FGFR3: variants seen among roughly 807,000 people sequenced by gnomAD.
The protein encoded by FGFR3 is FGFR-3.
A neutral mutation model predicts 82.9 loss-of-function variants in FGFR3; 25 were observed. The observed-to-expected ratio is 0.30, with a 90% CI of 0.22 to 0.42. The LOEUF (loss-of-function observed/expected upper bound fraction) is 0.42. FGFR3 is among the 10% of genes least tolerant of loss of function. The probability of loss-of-function intolerance (pLI) is 1.00; values close to 1 mark genes in which losing one functional copy is unlikely to be tolerated. For synonymous variants in FGFR3, 620 were observed against 516.0 expected, an observed-to-expected ratio of 1.20 and a Z score of -2.73; for missense variants, 1,026 against 1,161.0, an observed-to-expected ratio of 0.88 and a Z score of 1.69.
At chr4:1,802,053 G>A (rs756274707) in intron 7 of FGFR3, 28 bp downstream of exon 7, 20 of 1,597,920 alleles carry the variant, frequency 1.3e-5, no homozygotes, top group African/African-American at 4.0e-5. Context: ...CGTGGGTGCC[G>A]CCGCTGGGGC....
chr4:1,793,586 T>G (rs1419483537), intron 1 of FGFR3, 121 bp downstream of exon 1: 3 of 147,828 alleles, frequency 2.0e-5, no homozygotes. Context: ...GGCGCGGGCT[T>G]CCCGCTCCGG....
intron 7 of FGFR3, chr4:1,802,927 A>G: frequency 1.3e-6 from 2 of 1,599,214 alleles, no homozygotes; most frequent in Non-Finnish European, 1.7e-6. Context: ...TGGATCAGTG[A>G]GAGTGTGGAG....
chr4:1,797,083 A>G (rs1323117206), intron 2 of FGFR3, among the ~76,000 whole-genome samples: 1 of 152,150 alleles, frequency 6.6e-6, no homozygotes, highest in Non-Finnish European at 1.5e-5. Flanking sequence ...CGCCTTGGGT[A>G]CAGCAGGAGT....
intron 2 of FGFR3, 32 bp downstream of exon 2, chr4:1,794,075 C>A: frequency 7.9e-7 from 1 of 1,268,268 alleles, no homozygotes; most frequent in Non-Finnish European, 1.0e-6. Context: ...ACGGGAGAGG[C>A]CGGCCCGTGC....
At chr4:1,798,383 C>T (rs1173928569) in intron 2 of FGFR3, among the ~76,000 whole-genome samples, 1 of 152,022 alleles carries the variant, frequency 6.6e-6, no homozygotes, top group African/African-American at 2.4e-5. Flanking sequence ...CCCGCCTGGG[C>T]CTCCCCACTC....
At chr4:1,795,310 G>C (rs984565809) in intron 2 of FGFR3, among the ~76,000 whole-genome samples, 1 of 152,092 alleles carries the variant, frequency 6.6e-6, no homozygotes, top group Non-Finnish European at 1.5e-5. Context: ...TACTCCCTAC[G>C]GCCCGGGAAT....
chr4:1,806,352 T>C (rs1721916324), intron 15 of FGFR3, 25 bp downstream of exon 15: 2 of 1,612,680 alleles, frequency 1.2e-6, no homozygotes, highest in African/African-American at 1.3e-5. Flanking sequence ...GAGCTCAGGC[T>C]TCAGGGGTGG....
chr4:1,804,021 G>A lies in FGFR3; in HGVS notation c.1075+185G>A, dbSNP rs3135887. Among the ~76,000 whole-genome samples, 2,500 of 152,318 alleles carry A rather than the reference G, an allele frequency of 0.016. 34 individuals are homozygous for A. The highest frequency in any genetic ancestry group is 0.038 in the African/African-American group (1,575 of 41,572). ...GCCTGGCCCGGTCCTGGTCCCAGAG[G>A]GGCCCCCTCAGCCCCCTCGAGCCCA... On this transcript the variant is annotated intron_variant, in intron 8 of 17. Transcript: ENST00000440486.
rs551367475 is a variant in FGFR3, at chr4:1,794,774, G to A, written c.109+731G>A. 5.9e-5 allele frequency among the ~76,000 whole-genome samples: 9 copies of A among 152,060 alleles called. No individual in the cohort carries two copies. The South Asian group carries it at 1.9e-3, about 31-fold the overall frequency. ...CACGCGCCGCGGTTCCTCGTGGGCC[G>A]GGCCGAGAGCTCCGGTGCCGCCGCC... On this transcript the variant is annotated intron_variant, in intron 2 of 17. Coordinates refer to ENST00000440486, the MANE Select transcript of FGFR3 (RefSeq NM_000142.5).
rs570813728 is a variant in FGFR3, at chr4:1,807,589, C to T, written c.*327C>T. On this transcript the variant is annotated 3_prime_UTR_variant, in exon 18 of 18. Coordinates refer to ENST00000440486, the MANE Select transcript of FGFR3 (RefSeq NM_000142.5). ...AAGTGGGCCCACCCGGTGGGACCCCCGTGGGGCAGGGAGCTGGGCCCGACA... is the reference window on the plus strand; with the variant it reads ...AAGTGGGCCCACCCGGTGGGACCCCTGTGGGGCAGGGAGCTGGGCCCGACA... 18 of 681,258 alleles carry T rather than the reference C, an allele frequency of 2.6e-5. No homozygotes were observed. Among genetic ancestry groups the T allele is most frequent in the South Asian group, 6.9e-5 (5 of 72,868 alleles). The allele number at this position is 681,258 out of a possible 1,614,324, so 42.2% of individuals were successfully genotyped here.
rs1199444026 is a variant in FGFR3 at position 1,806,642 on chromosome 4, G to A, written c.2127G>A (p.Glu709=). The A allele has an allele frequency of 6.2e-7, 1 of 1,613,066 alleles. No individual in the cohort carries two copies. Among genetic ancestry groups the A allele is most frequent in the East Asian group, 2.2e-5 (1 of 44,866 alleles). ...PVEELFKLLK[E]GHRMDKPANC... is the part of the protein sequence containing the mutation. Reference sequence around the variant, plus strand: ...AGGAGCTCTTCAAGCTGCTGAAGGAGGGCCACCGCATGGACAAGCCCGCCA... The same window carrying A: ...AGGAGCTCTTCAAGCTGCTGAAGGAAGGCCACCGCATGGACAAGCCCGCCA... The change falls in exon 16 of 18, where the codon GAG becomes GAA. Residue 709 remains glutamate, a synonymous_variant. Coordinates refer to ENST00000440486, the MANE Select transcript of FGFR3 (RefSeq NM_000142.5).
intron 4 of FGFR3, 105 bp downstream of exon 4, chr4:1,799,917 TC>T: frequency 7.8e-7 from 1 of 1,288,184 alleles, no homozygotes; most frequent in Non-Finnish European, 1.1e-6. Context: ...CGGAACAACC[TC>T]CCTGGGGTCA....
rs988103348 is a variant in FGFR3, at chr4:1,808,204, T to G, written c.*942T>G. The G allele has an allele frequency of 2.6e-5, 6 of 232,726 alleles. No homozygotes were observed. The highest frequency in any genetic ancestry group is 5.1e-5 in the Non-Finnish European group (6 of 117,748). 14.4% of individuals were successfully genotyped at this position (232,726 alleles called of 1,614,324 possible). A position where few individuals can be genotyped will look rare whatever the true frequency, so the allele number is the denominator to read the frequency against. ...GCGGAGAGTTTTAATTTTTAACTTA[T>G]TGACAACCGAGAAGGTTTATCCCGC... On this transcript the variant is annotated 3_prime_UTR_variant, in exon 18 of 18. Transcript: ENST00000440486.
chr4:1,804,290 G>A lies in FGFR3; in HGVS notation c.1076-40G>A, dbSNP rs200683551. 4.3e-5 allele frequency: 67 copies of A among 1,551,368 alleles called. 1 individual carries two copies. In the East Asian group the frequency reaches 6.3e-4, roughly 15 times the overall value. On this transcript the variant is annotated intron_variant, in intron 8 of 17. Transcript: ENST00000440486. ...GGGCATCCATGGGAGCCCCGTGGGG[G>A]GGGGGGCCAGGCCAGGCCTCAACGC...
intron 7 of FGFR3, 143 bp downstream of exon 7, chr4:1,802,168 C>A: frequency 3.4e-6 from 3 of 883,984 alleles, no homozygotes; most frequent in Non-Finnish European, 5.3e-6. Context: ...CTTGTGGGGC[C>A]AAGTCTCAGC....
intron 2 of FGFR3, among the ~76,000 whole-genome samples, chr4:1,797,292 C>T (rs994133973): frequency 2.0e-5 from 3 of 152,180 alleles, no homozygotes; most frequent in African/African-American, 7.2e-5. Context: ...CTTATAGCAC[C>T]CACTCATGCC....
rs753005358 is a variant in FGFR3, at chr4:1,804,808, C to T, written c.1267-16C>T. ...TCGCCCACGCGGCGCCAACCTGCCCCTGCTGACCCAAGCAGGTGTCCCTGG... is the reference window on the plus strand; with the variant it reads ...TCGCCCACGCGGCGCCAACCTGCCCTTGCTGACCCAAGCAGGTGTCCCTGG... On this transcript the variant is annotated splice_polypyrimidine_tract_variant and intron_variant, in intron 9 of 17. Transcript: ENST00000440486. The T allele has an allele frequency of 3.2e-6, 5 of 1,549,422 alleles. No homozygotes were observed. Among genetic ancestry groups the T allele is most frequent in the South Asian group, 1.2e-5 (1 of 84,030 alleles).
In FGFR3 at chr4:1,806,690, G is replaced by A. The variant is rs564717169; in HGVS notation, c.2168+7G>A. ...CCAACTGCACACACGACCTGTGAGTGGCATCCCTGGCCCTCCACTGGGTCC... is the reference window on the plus strand; with the variant it reads ...CCAACTGCACACACGACCTGTGAGTAGCATCCCTGGCCCTCCACTGGGTCC... On this transcript the variant is annotated splice_region_variant and intron_variant, in intron 16 of 17. Coordinates refer to ENST00000440486, the MANE Select transcript of FGFR3 (RefSeq NM_000142.5). 3.7e-6 allele frequency: 6 copies of A among 1,611,840 alleles called. No homozygotes were observed. In the South Asian group the frequency reaches 6.6e-5, roughly 18 times the overall value.
rs1213546325 is a variant in FGFR3 at position 1,793,455 on chromosome 4, G to C, written c.-113G>C. ...GCCGCGCGTAGCGAGCCGGGCTCCG[G>C]CGCTCGCCAGGTCCGTGCTTGGGGC... is the stretch of plus-strand genomic sequence containing the variant. On this transcript the variant is annotated 5_prime_UTR_variant, in exon 1 of 18. Transcript: ENST00000440486. 6.7e-6 allele frequency: 1 copy of C among 149,336 alleles called. No homozygotes were observed. Among genetic ancestry groups the C allele is most frequent in the African/African-American group, 2.4e-5 (1 of 41,142 alleles). The allele number at this position is 149,336 out of a possible 1,614,324, so 9.3% of individuals were successfully genotyped here.
Sources: gnomAD v4.1 joint callset for allele counts (sites outside exome capture counted in the v4.1 genomes callset) on GRCh38, gnomAD v4.1.1 for gene constraint, MANE v1.5 for transcripts, NCBI Gene and HGNC (gene_info 2026-07-23, HGNC 2026-07-21) for gene names.